HS3ST4: variants seen among roughly 807,000 people sequenced by gnomAD.
The protein encoded by HS3ST4 is heparan sulfate glucosamine 3-O-sulfotransferase 4.
HS3ST4 carries 17 observed loss-of-function variants against 29.2 expected under a neutral mutation model. The observed-to-expected ratio is 0.58, with a 90% confidence interval of 0.40 to 0.87. The LOEUF (loss-of-function observed/expected upper bound fraction) is 0.87. Ranked by LOEUF, HS3ST4 falls within the 40% of genes least tolerant of loss-of-function variation. HS3ST4 has a pLI of 0.00. For synonymous variants in HS3ST4, 314 were observed against 285.7 expected, an observed-to-expected ratio of 1.10 and a Z score of -1.00; for missense variants, 627 against 634.5, an observed-to-expected ratio of 0.99 and a Z score of 0.13.
At position 26,097,313 on chromosome 16, in the gene HS3ST4, C is replaced by T. The variant is rs1898937446; in HGVS notation, c.735-38299C>T. ...AAAAAGAGCAAAGCTGGAGGCATCACACTACCTGACTTCAAACTATACTAC... is the reference window on the plus strand; with the variant it reads ...AAAAAGAGCAAAGCTGGAGGCATCATACTACCTGACTTCAAACTATACTAC... On this transcript the variant is annotated intron_variant, in intron 1 of 1. Transcript: ENST00000331351. 2.0e-5 allele frequency among the ~76,000 whole-genome samples: 3 copies of T among 152,200 alleles called. No individual in the cohort carries two copies. The South Asian group carries it at 6.2e-4, about 32-fold the overall frequency.
At chr16:26,063,821 G>T (rs950175080) in intron 1 of HS3ST4, among the ~76,000 whole-genome samples, 17 of 152,214 alleles carry the variant, frequency 1.1e-4, no homozygotes, top group Admixed American at 9.8e-4. Flanking sequence ...CTAGCTGATT[G>T]CATGGGCCGG....
intron 1 of HS3ST4, chr16:25,886,650 A>G (rs1257555689): frequency 6.6e-6 from 1 of 152,286 alleles, no homozygotes; most frequent in African/African-American, 2.4e-5. Flanking sequence ...TGAGTAGACA[A>G]GATATTTCAG....
Position 25,692,464 on chromosome 16 carries a change from C to A in HS3ST4, c.47C>A (p.Pro16His). 1 of 1,356,154 alleles carries A rather than the reference C, an allele frequency of 7.4e-7. No individual in the cohort carries two copies. The highest frequency in any genetic ancestry group is 9.6e-7 in the Non-Finnish European group (1 of 1,040,914). 84.0% of individuals were successfully genotyped at this position (1,356,154 alleles called of 1,614,324 possible). ...CCTCCGCCTCCGCCTCCGCCTCCAC[C>A]TCTGGCCGCGCCGCCGCCGCCCGGC... is the stretch of plus-strand genomic sequence containing the variant. ...APPPPPPPPPPLAAPPPPGAS... is the reference protein window; with the variant it reads ...APPPPPPPPPHLAAPPPPGAS... The change falls in exon 1 of 2, where the codon CCT becomes CAT. Residue 16 changes from proline to histidine, a missense_variant. Physicochemically the swap from Pro to His is moderately conservative, Grantham distance 77 (BLOSUM62 -2). Around this residue, in one of 2 missense-constraint regions of HS3ST4, gnomAD observed 402 missense variants for 340.8 expected, o/e 1.18. Transcript: ENST00000331351.
intron 1 of HS3ST4, among the ~76,000 whole-genome samples, chr16:26,072,754 G>A (rs1398495919): frequency 4.6e-5 from 7 of 152,250 alleles, no homozygotes; most frequent in Middle Eastern, 3.4e-3. Context: ...TGTAACACTA[G>A]TGCTTTGTCC....
intron 1 of HS3ST4, among the ~76,000 whole-genome samples, chr16:26,129,986 A>G (rs1411287612): frequency 1.3e-5 from 2 of 152,218 alleles, no homozygotes; most frequent in Non-Finnish European, 2.9e-5. Context: ...GTGAGCCATC[A>G]TCGCACCACT....
intron 1 of HS3ST4, among the ~76,000 whole-genome samples, chr16:26,054,307 G>GA (rs1898381259): frequency 5.1e-5 from 7 of 137,556 alleles, no homozygotes; most frequent in African/African-American, 1.5e-4. Flanking sequence ...AGAAGGAGGA[G>GA]GAGGAAGAAG....
At chr16:25,777,131 T>C (rs1301908185) in intron 1 of HS3ST4, among the ~76,000 whole-genome samples, 1 of 152,182 alleles carries the variant, frequency 6.6e-6, no homozygotes, top group East Asian at 1.9e-4. Flanking sequence ...GAAATGTGGG[T>C]AGGGGTTCTC....
chr16:25,932,057 G>C, intron 1 of HS3ST4, among the ~76,000 whole-genome samples: 1 of 152,216 alleles, frequency 6.6e-6, no homozygotes, highest in East Asian at 1.9e-4. Context: ...GCTCACACCT[G>C]TAATCCCAGC....
At chr16:25,774,102 C>T (rs998443365) in intron 1 of HS3ST4, among the ~76,000 whole-genome samples, 1 of 152,150 alleles carries the variant, frequency 6.6e-6, no homozygotes, top group African/African-American at 2.4e-5. Context: ...AAGAACTAGT[C>T]CCTGCCCATG....
intron 1 of HS3ST4, among the ~76,000 whole-genome samples, chr16:25,874,978 C>T (rs1567261977): frequency 6.6e-6 from 1 of 152,150 alleles, no homozygotes; most frequent in Admixed American, 6.6e-5. Flanking sequence ...CACAATTGCA[C>T]ACACATACCT....
intron 1 of HS3ST4, among the ~76,000 whole-genome samples, chr16:25,886,413 T>C (rs780024427): frequency 2.1e-4 from 32 of 152,176 alleles, no homozygotes; most frequent in Non-Finnish European, 4.6e-4. Flanking sequence ...AAAGTAATGG[T>C]GGTGCTTGTC....
intron 1 of HS3ST4, among the ~76,000 whole-genome samples, chr16:26,022,297 A>G (rs142026155): frequency 4.7e-4 from 72 of 152,228 alleles, no homozygotes; most frequent in African/African-American, 1.5e-3. Context: ...AATTGTAAAT[A>G]CCTTTTGGGT....
At chr16:26,048,050 G>T (rs1210330495) in intron 1 of HS3ST4, among the ~76,000 whole-genome samples, 3 of 152,154 alleles carry the variant, frequency 2.0e-5, no homozygotes, top group Non-Finnish European at 2.9e-5. Flanking sequence ...GGCAGGGCTG[G>T]TATCTCCTGA....
intron 1 of HS3ST4, among the ~76,000 whole-genome samples, chr16:25,832,375 C>G (rs1967313296): frequency 1.3e-5 from 2 of 152,168 alleles, no homozygotes; most frequent in African/African-American, 4.8e-5. Flanking sequence ...GGCTAGGGCC[C>G]CACTGGCTCA....
intron 1 of HS3ST4, among the ~76,000 whole-genome samples, chr16:25,769,137 C>T (rs928471378): frequency 1.3e-5 from 2 of 152,208 alleles, no homozygotes; most frequent in African/African-American, 4.8e-5. Context: ...TTCTGTCCTT[C>T]GCCAAGCAGG....
chr16:25,835,752 C>G (rs140677589), intron 1 of HS3ST4, among the ~76,000 whole-genome samples: 131 of 152,220 alleles, frequency 8.6e-4, no homozygotes, highest in Non-Finnish European at 1.5e-3. Flanking sequence ...TGTGACTTGC[C>G]GGGGGCTGAT....
rs941760880 is a variant in HS3ST4 at position 26,136,616 on chromosome 16, G to T, written c.*368G>T. 6 of 232,692 alleles carry T rather than the reference G, an allele frequency of 2.6e-5. No homozygotes were observed. Among genetic ancestry groups the T allele is most frequent in the Non-Finnish European group, 5.1e-5 (6 of 118,438 alleles). The allele number at this position is 232,692 out of a possible 1,614,324, so 14.4% of individuals were successfully genotyped here. A position where few individuals can be genotyped will look rare whatever the true frequency, so the allele number is the denominator to read the frequency against. On this transcript the variant is annotated 3_prime_UTR_variant, in exon 2 of 2. Coordinates refer to ENST00000331351, the MANE Select transcript of HS3ST4 (RefSeq NM_006040.3). ...GACAAAAAAGGTCTGCTTTATAGGGGTTCTCACTCTAGCTTGGGGAGCCAG... is the reference window on the plus strand; with the variant it reads ...GACAAAAAAGGTCTGCTTTATAGGGTTTCTCACTCTAGCTTGGGGAGCCAG...
At chr16:26,041,909 G>A (rs554457997) in intron 1 of HS3ST4, among the ~76,000 whole-genome samples, 3 of 152,266 alleles carry the variant, frequency 2.0e-5, no homozygotes, top group East Asian at 1.9e-4. Context: ...ATCCTTGCCC[G>A]ATCTCGGGAG....
intron 1 of HS3ST4, among the ~76,000 whole-genome samples, chr16:25,709,489 CCT>C (rs1393814365): frequency 6.6e-6 from 1 of 152,124 alleles, no homozygotes; most frequent in Non-Finnish European, 1.5e-5. Flanking sequence ...TCTAGACACT[CCT>C]CTGTTCAAAT....
Sources: allele counts gnomAD v4.1 joint callset (sites outside exome capture counted in the v4.1 genomes callset), GRCh38; gene constraint gnomAD v4.1.1; regional missense constraint gnomAD v4.1.1; transcripts MANE v1.5; gene names NCBI Gene and HGNC (gene_info 2026-07-23, HGNC 2026-07-21).